Variants in MAGI2 observed in about 807,000 individuals in gnomAD.
The protein encoded by MAGI2 is membrane-associated guanylate kinase, WW and PDZ domain-containing protein 2.
Under a neutral mutation model 133.3 loss-of-function variants are expected in MAGI2, and 35 were observed. That is an observed-to-expected ratio of 0.26 (90% CI 0.20 to 0.35). MAGI2 has a LOEUF of 0.35. Ranked by LOEUF, MAGI2 falls within the 10% of genes least tolerant of loss-of-function variation. The probability of loss-of-function intolerance (pLI) is 1.00; values close to 1 mark genes in which losing one functional copy is unlikely to be tolerated. For synonymous variants in MAGI2, 729 were observed against 710.6 expected (o/e 1.03, Z -0.41); for missense variants, 1,636 against 1,863.4 (o/e 0.88, Z 2.25).
chr7:78,421,397 C>T (rs1798783542), intron 6 of MAGI2, among the ~76,000 whole-genome samples: 3 of 152,146 alleles, frequency 2.0e-5, no homozygotes, highest in South Asian at 4.1e-4. Context: ...AAATTGTAGA[C>T]ATAATTTACT....
intron 1 of MAGI2, among the ~76,000 whole-genome samples, chr7:79,022,325 C>T (rs1204138633): frequency 1.3e-5 from 2 of 152,010 alleles, no homozygotes; most frequent in African/African-American, 4.8e-5. Context: ...TTATTTGAAA[C>T]TAATGAGAAA....
chr7:78,518,561 CAA>C (rs1796232357), intron 4 of MAGI2: 1 of 152,148 alleles, frequency 6.6e-6, no homozygotes, highest in African/African-American at 2.4e-5. Flanking sequence ...TTACTATTAT[CAA>C]TATTCCTTCG....
chr7:79,281,036 CAT>C (rs1308157870), intron 1 of MAGI2, among the ~76,000 whole-genome samples: 3 of 143,766 alleles, frequency 2.1e-5, no homozygotes, highest in Non-Finnish European at 4.5e-5. Context: ...AAATAAGTGA[CAT>C]GTCTGTCTAG....
At chr7:79,254,304 C>T (rs1833533198) in intron 1 of MAGI2, among the ~76,000 whole-genome samples, 1 of 91,208 alleles carries the variant, frequency 1.1e-5, no homozygotes. Context: ...GTATCTTCCC[C>T]ATTTTGTGTT....
At chr7:78,920,681 T>C (rs1351245620) in intron 2 of MAGI2, among the ~76,000 whole-genome samples, 3 of 152,112 alleles carry the variant, frequency 2.0e-5, no homozygotes, top group Non-Finnish European at 4.4e-5. Flanking sequence ...TTTCCTATCT[T>C]TCACCTTTTT....
chr7:78,247,362 T>C (rs772506753), intron 10 of MAGI2, among the ~76,000 whole-genome samples: 30 of 152,086 alleles, frequency 2.0e-4, no homozygotes, highest in South Asian at 4.2e-4. Context: ...CACTACATCT[T>C]TTTCAGCCGG....
At chr7:78,332,942 G>A (rs1009562531) in intron 9 of MAGI2, among the ~76,000 whole-genome samples, 21 of 152,298 alleles carry the variant, frequency 1.4e-4, no homozygotes, top group African/African-American at 5.1e-4. Flanking sequence ...TTGGCCAGCT[G>A]GCTAGAAATT....
At chr7:78,466,144 A>G (rs1437723133) in intron 6 of MAGI2, among the ~76,000 whole-genome samples, 1 of 151,946 alleles carries the variant, frequency 6.6e-6, no homozygotes, top group African/African-American at 2.4e-5. Flanking sequence ...ATGAAATTCC[A>G]TTTTCCTGAC....
At position 78,224,391 on chromosome 7, in the gene MAGI2, C is replaced by T. The variant is rs538611760; in HGVS notation, c.2048-23198G>A. ...TATAAGTGCTCTTTTTTTGACCAGG[C>T]GCGGTGGCTCATGCCTATAATCCCA... On this transcript the variant is annotated intron_variant, in intron 10 of 21. Coordinates refer to ENST00000354212, the MANE Select transcript of MAGI2 (RefSeq NM_012301.4). 5.9e-5 allele frequency among the ~76,000 whole-genome samples: 9 copies of T among 152,120 alleles called. No homozygotes were observed. In the East Asian group the frequency reaches 1.2e-3, roughly 20 times the overall value.
rs1225606986 is a variant in MAGI2, at chr7:79,136,127, A to AAGAAAGAC, written c.302-128922_302-128921insGTCTTTCT. Among the ~76,000 whole-genome samples, 211 of 146,758 alleles carry AAGAAAGAC rather than the reference A, an allele frequency of 1.4e-3. 1 individual carries two copies. The highest frequency in any genetic ancestry group is 5.0e-3 in the East Asian group (25 of 4,974). ...AAAGAAAGAAAGAAAGAAAGAAAGA[A>AAGAAAGAC]AGACACAAAAGGCACTGTATACAGT... On this transcript the variant is annotated intron_variant, in intron 1 of 21. Coordinates refer to ENST00000354212, the MANE Select transcript of MAGI2 (RefSeq NM_012301.4).
At chr7:78,328,532 C>CCCCTCT (rs1554346587) in intron 9 of MAGI2, among the ~76,000 whole-genome samples, 2 of 133,706 alleles carry the variant, frequency 1.5e-5, no homozygotes, top group Non-Finnish European at 3.2e-5. Context: ...CACACACACC[C>CCCCTCT]CTCTCTCTCT....
intron 6 of MAGI2, chr7:78,487,222 T>G: frequency 4.3e-6 from 1 of 233,132 alleles, no homozygotes; most frequent in Non-Finnish European, 8.5e-6. Context: ...GCTACGGAGT[T>G]TCTAAGGCTG....
intron 9 of MAGI2, among the ~76,000 whole-genome samples, chr7:78,342,204 A>T (rs1294597178): frequency 1.3e-5 from 2 of 152,224 alleles, no homozygotes; most frequent in African/African-American, 4.8e-5. Flanking sequence ...ACATAAAAAA[A>T]GGCTCATCAT....
chr7:78,305,383 C>T (rs1369569758), intron 9 of MAGI2, among the ~76,000 whole-genome samples: 1 of 152,172 alleles, frequency 6.6e-6, no homozygotes, highest in African/African-American at 2.4e-5. Flanking sequence ...CGTGAGACAG[C>T]GAGCGTGTCT....
At chr7:78,879,067 C>T (rs1220149070) in intron 2 of MAGI2, among the ~76,000 whole-genome samples, 1 of 152,206 alleles carries the variant, frequency 6.6e-6, no homozygotes, top group Non-Finnish European at 1.5e-5. Flanking sequence ...GGAGATTAGG[C>T]ATCCCCCACC....
At chr7:78,962,584 T>TA (rs1402081855) in intron 2 of MAGI2, among the ~76,000 whole-genome samples, 2 of 146,020 alleles carry the variant, frequency 1.4e-5, no homozygotes, top group Admixed American at 6.9e-5. Flanking sequence ...GGTTCCAAAA[T>TA]AAAAAACTCA....
At chr7:79,345,829 T>C (rs1841272623) in intron 1 of MAGI2, among the ~76,000 whole-genome samples, 1 of 152,060 alleles carries the variant, frequency 6.6e-6, no homozygotes, top group South Asian at 2.1e-4. Flanking sequence ...GAGTTCAAGA[T>C]TTTCATTCAT....
chr7:78,422,955 A>G (rs1798933789), intron 6 of MAGI2, among the ~76,000 whole-genome samples: 2 of 152,238 alleles, frequency 1.3e-5, no homozygotes, highest in South Asian at 2.1e-4. Context: ...GAGAGCTGAA[A>G]AAGTAAATAG....
At chr7:78,388,476 A>C (rs958977544) in intron 6 of MAGI2, among the ~76,000 whole-genome samples, 1 of 152,208 alleles carries the variant, frequency 6.6e-6, no homozygotes, top group African/African-American at 2.4e-5. Context: ...TACCTGAAAT[A>C]TGGAAAAGAG....
Sources: gnomAD v4.1 joint callset for allele counts (sites outside exome capture counted in the v4.1 genomes callset) on GRCh38, gnomAD v4.1.1 for gene constraint, MANE v1.5 for transcripts, NCBI Gene and HGNC (gene_info 2026-07-23, HGNC 2026-07-21) for gene names.